EPB41L1: variants seen among roughly 807,000 people sequenced by gnomAD.
EPB41L1 encodes band 4.1-like protein 1.
Under a neutral mutation model 97.8 loss-of-function variants are expected in EPB41L1, and 29 were observed. The observed-to-expected ratio is 0.30, with a 90% CI of 0.22 to 0.40. The LOEUF (loss-of-function observed/expected upper bound fraction) is 0.40, where lower values mean the gene tolerates loss of function less well. Ranked by LOEUF, EPB41L1 falls within the 10% of genes least tolerant of loss-of-function variation. The pLI, the probability that EPB41L1 is intolerant of heterozygous loss-of-function variation, is 1.00. For missense variants in EPB41L1, 812 were observed against 1,162.3 expected (o/e 0.70, Z 4.38); for synonymous variants, 383 against 459.2 (o/e 0.83, Z 2.12).
intron 21 of EPB41L1, 136 bp from the exon 22 acceptor site, chr20:36,229,196 T>A: frequency 2.7e-6 from 2 of 728,644 alleles, no homozygotes; most frequent in South Asian, 3.2e-5. Context: ...AAAGGGCATA[T>A]GGTAAAGGGT....
intron 19 of EPB41L1, among the ~76,000 whole-genome samples, chr20:36,220,101 G>A (rs564651712): frequency 6.6e-6 from 1 of 152,370 alleles, no homozygotes; most frequent in South Asian, 2.1e-4. Context: ...TGGCGTGTGC[G>A]CCTTGTAGAT....
At chr20:36,114,897 C>G (rs2058536710) in intron 2 of EPB41L1, among the ~76,000 whole-genome samples, 1 of 152,058 alleles carries the variant, frequency 6.6e-6, no homozygotes, top group Non-Finnish European at 1.5e-5. Context: ...GAGCTAGCAC[C>G]AGACACCGGG....
intron 19 of EPB41L1, 91 bp from the exon 20 acceptor site, chr20:36,221,773 T>C: frequency 9.0e-7 from 1 of 1,106,162 alleles, no homozygotes; most frequent in South Asian, 1.2e-5. Context: ...TTCTCAGCCC[T>C]GCCCTCGAGA....
chr20:36,214,545 G>A, intron 17 of EPB41L1, 105 bp downstream of exon 17: 1 of 890,322 alleles, frequency 1.1e-6, no homozygotes, highest in Non-Finnish European at 1.8e-6. Flanking sequence ...GTTGTGAGCT[G>A]CCCTCGCTGC....
At chr20:36,135,272 T>C (rs1182166495) in intron 2 of EPB41L1, among the ~76,000 whole-genome samples, 5 of 152,304 alleles carry the variant, frequency 3.3e-5, no homozygotes, top group Admixed American at 1.3e-4. Context: ...CATTGTACAG[T>C]TGAAGAAACT....
intron 2 of EPB41L1, among the ~76,000 whole-genome samples, chr20:36,126,000 G>T (rs1368493698): frequency 6.6e-6 from 1 of 152,004 alleles, no homozygotes; most frequent in Non-Finnish European, 1.5e-5. Context: ...CTAGATGGCT[G>T]CAGACTTTCT....
chr20:36,160,230 CTGTTA>C (rs2060473211), intron 1 of EPB41L1, among the ~76,000 whole-genome samples: 3 of 152,150 alleles, frequency 2.0e-5, no homozygotes, highest in Admixed American at 2.0e-4. Flanking sequence ...TATTTCTTTA[CTGTTA>C]TATTTACTTT....
chr20:36,132,567 C>G (rs13040648), intron 2 of EPB41L1, among the ~76,000 whole-genome samples: 95 of 41,228 alleles, frequency 2.3e-3, no homozygotes, highest in Non-Finnish European at 2.6e-3. Flanking sequence ...TCTTTGTGGG[C>G]GGGGGGGGGG....
At chr20:36,099,712 C>T (rs975720246) in intron 1 of EPB41L1, among the ~76,000 whole-genome samples, 3 of 152,096 alleles carry the variant, frequency 2.0e-5, no homozygotes, top group Non-Finnish European at 4.4e-5. Context: ...GAAACATGCT[C>T]AGGGAGAAAA....
At chr20:36,227,503 C>A (rs931722684) in intron 21 of EPB41L1, among the ~76,000 whole-genome samples, 10 of 152,170 alleles carry the variant, frequency 6.6e-5, no homozygotes, top group African/African-American at 2.4e-4. Flanking sequence ...CTGTGATATA[C>A]TGGATCTGTG....
At chr20:36,118,463 TA>T in intron 2 of EPB41L1, among the ~76,000 whole-genome samples, 1 of 152,134 alleles carries the variant, frequency 6.6e-6, no homozygotes, top group East Asian at 1.9e-4. Flanking sequence ...GTCAGAAAAG[TA>T]GCACCTGGGC....
At chr20:36,095,981 G>A (rs1057171128) in intron 1 of EPB41L1, among the ~76,000 whole-genome samples, 1 of 151,526 alleles carries the variant, frequency 6.6e-6, no homozygotes, top group Non-Finnish European at 1.5e-5. Context: ...AGCTGAGATT[G>A]CATCACTGCG....
chr20:36,178,400 C>T (rs967051473), intron 4 of EPB41L1, among the ~76,000 whole-genome samples: 2 of 152,218 alleles, frequency 1.3e-5, no homozygotes, highest in Non-Finnish European at 2.9e-5. Flanking sequence ...CTCACTGGGA[C>T]TGCCTCAGGG....
chr20:36,149,263 G>A (rs1350791710), intron 2 of EPB41L1, among the ~76,000 whole-genome samples: 10 of 152,148 alleles, frequency 6.6e-5, no homozygotes, highest in African/African-American at 2.2e-4. Flanking sequence ...CTTTGCCAGA[G>A]GTGAACATTG....
At chr20:36,107,211 CTTT>C (rs397864874) in intron 1 of EPB41L1, among the ~76,000 whole-genome samples, 1,148 of 114,176 alleles carry the variant, frequency 0.01, 6 homozygotes, top group East Asian at 0.051. Context: ...GAGAATATAC[CTTT>C]TTTTTTTTTT....
chr20:36,158,130 G>A (rs1280777523), intron 1 of EPB41L1, among the ~76,000 whole-genome samples: 1 of 152,158 alleles, frequency 6.6e-6, no homozygotes, highest in Non-Finnish European at 1.5e-5. Context: ...AGGTCAAATA[G>A]CTAGGCTGTG....
rs2058578993 is a variant in EPB41L1, at chr20:36,116,207, AT to A, written c.-10+3730del. On this transcript the variant is annotated intron_variant, in intron 2 of 19. Coordinates refer to the EPB41L1 transcript ENST00000202028. Reference sequence around the variant, plus strand: ...GTCAGGGAAAGGGGGAGAAGGGGACATTTGATCTAAGTTGAGGGGAACTAGG... The same window carrying A: ...GTCAGGGAAAGGGGGAGAAGGGGACATTGATCTAAGTTGAGGGGAACTAGG... 2.6e-5 allele frequency among the ~76,000 whole-genome samples: 4 copies of A among 152,272 alleles called. No homozygotes were observed. In the South Asian group the frequency reaches 8.3e-4, roughly 32 times the overall value.
chr20:36,218,123 C>T (rs1006934901), intron 17 of EPB41L1, among the ~76,000 whole-genome samples: 5 of 152,116 alleles, frequency 3.3e-5, no homozygotes, highest in Non-Finnish European at 7.4e-5. Context: ...GGCAGAGTGG[C>T]GTGCACAGTG....
At chr20:36,110,237 G>A (rs905340314) in intron 1 of EPB41L1, among the ~76,000 whole-genome samples, 3 of 152,120 alleles carry the variant, frequency 2.0e-5, no homozygotes, top group South Asian at 2.1e-4. Flanking sequence ...CACCATGCCC[G>A]GCCTTGACAT....
Sources: allele counts gnomAD v4.1 joint callset (sites outside exome capture counted in the v4.1 genomes callset), GRCh38; gene constraint gnomAD v4.1.1; transcripts MANE v1.5; gene names NCBI Gene and HGNC (gene_info 2026-07-23, HGNC 2026-07-21).